Variants in ERMAP observed in about 807,000 individuals in gnomAD.
The protein encoded by ERMAP is erythroid membrane-associated protein.
In ERMAP, 34 loss-of-function variants were observed where a neutral mutation model predicts 49.5. That is an observed-to-expected ratio of 0.69 (90% confidence interval 0.52 to 0.91). The LOEUF (loss-of-function observed/expected upper bound fraction) is 0.91, where lower values mean the gene tolerates loss of function less well. Ranked by LOEUF, ERMAP falls within the 40% of genes least tolerant of loss-of-function variation. The probability of loss-of-function intolerance (pLI) is 0.00; values close to 1 mark genes in which losing one functional copy is unlikely to be tolerated. For missense variants in ERMAP, 541 were observed against 582.6 expected (o/e 0.93, Z 0.74); for synonymous variants, 214 against 232.2 (o/e 0.92, Z 0.71).
intron 1 of ERMAP, among the ~76,000 whole-genome samples, chr1:42,821,155 A>T (rs1021136991): frequency 6.6e-6 from 1 of 152,166 alleles, no homozygotes; most frequent in African/African-American, 2.4e-5. Flanking sequence ...AAAGAAATGT[A>T]TTGACATCTC....
In ERMAP at chr1:42,844,193, C is replaced by T; in HGVS notation, c.*961C>T. The T allele has an allele frequency of 2.5e-6, 1 of 398,498 alleles. No individual in the cohort carries two copies. Among genetic ancestry groups the T allele is most frequent in the African/African-American group, 2.1e-5 (1 of 48,738 alleles). The allele number at this position is 398,498 out of a possible 1,614,324, so 24.7% of individuals were successfully genotyped here. On this transcript the variant is annotated 3_prime_UTR_variant, in exon 12 of 12. Transcript: ENST00000372517. This position sits in a 1 kb window ranked among gnomAD's most constrained non-coding sequence, Gnocchi z 4.0. ...TGAGTATTTGTGTAGCAAACAGCCT[C>T]TTAGGTTGGAGAGTATTGATTTCAA...
chr1:42,817,349 G>GCCGAGCGCCAGGAGGCTT (rs1553148633), intron 1 of ERMAP, 96 bp downstream of exon 1: 1 of 836,018 alleles, frequency 1.2e-6, no homozygotes, highest in Non-Finnish European at 1.5e-6. Context: ...GGGGCGCAGG[G>GCCGAGCGCCAGGAGGCTT]CCGAGCGCCA....
At chr1:42,834,195 T>C (rs974238487) in intron 4 of ERMAP, among the ~76,000 whole-genome samples, 2 of 152,202 alleles carry the variant, frequency 1.3e-5, no homozygotes, top group Admixed American at 6.5e-5. Flanking sequence ...TCTGCTCGTT[T>C]CCTCTCCTCT....
intron 11 of ERMAP, among the ~76,000 whole-genome samples, chr1:42,841,100 C>G (rs1349312180): frequency 1.3e-5 from 2 of 152,152 alleles, no homozygotes; most frequent in African/African-American, 4.8e-5. Context: ...TTATCCTCCT[C>G]CTGTTCACAC....
At chr1:42,817,275 C>T in intron 1 of ERMAP, 22 bp downstream of exon 1, 1 of 1,232,622 alleles carries the variant, frequency 8.1e-7, no homozygotes, top group Non-Finnish European at 1.0e-6. Context: ...CTTCCCCCGA[C>T]CACTGGACCC....
At chr1:42,818,362 T>C (rs1654304846) in intron 1 of ERMAP, among the ~76,000 whole-genome samples, 1 of 152,222 alleles carries the variant, frequency 6.6e-6, no homozygotes, top group Non-Finnish European at 1.5e-5. Flanking sequence ...AGTAGAATGG[T>C]GACTGCCAGT....
At position 42,842,571 on chromosome 1, in the gene ERMAP, A is replaced by G. The variant is rs768702156; in HGVS notation, c.767A>G (p.Asp256Gly). Residue 256 changes from aspartate (D) to glycine (G), a missense_variant, in exon 12 of 12, where the codon GAC becomes GGC. Physicochemically the swap from Asp to Gly is moderately conservative, Grantham distance 94 (BLOSUM62 -1). Transcript: ENST00000372517. ...CATCCCAAACTCATCCTTTCTGAGG[A>G]CCAAAGATGTGTAAGGCTTGGAGAC... ...TAHPKLILSE[D>G]QRCVRLGDRR... 1 of 1,614,158 alleles carries G rather than the reference A, an allele frequency of 6.2e-7. No homozygotes were observed. The highest frequency in any genetic ancestry group is 1.1e-5 in the South Asian group (1 of 91,084).
chr1:42,838,984 G>T, intron 8 of ERMAP, 63 bp downstream of exon 8: 2 of 1,613,576 alleles, frequency 1.2e-6, no homozygotes, highest in Non-Finnish European at 1.7e-6. Context: ...TTTGGGATGA[G>T]CATCTCAGTT....
Position 42,819,206 on chromosome 1 carries a change from T to TGTGTGC in ERMAP, c.-122+1954_-122+1955insTGTGCG, listed in dbSNP as rs60221239. 2.3e-4 allele frequency among the ~76,000 whole-genome samples: 19 copies of TGTGTGC among 81,726 alleles called. No homozygotes were observed. Among genetic ancestry groups the TGTGTGC allele is most frequent in the Admixed American group, 2.3e-3 (17 of 7,422 alleles). 53.6% of individuals were successfully genotyped at this position (81,726 alleles called of 152,430 possible). ...GTGTGTGTGTGTGTGTGTGTGTGTG[T>TGTGTGC]GCGCGCGCGCAAGAGAGGGACCGAG... On this transcript the variant is annotated intron_variant, in intron 1 of 11. Transcript: ENST00000372517. This position sits in a 1 kb window ranked among gnomAD's most constrained non-coding sequence, Gnocchi z 5.1.
Position 42,825,636 on chromosome 1 carries a change from G to A in ERMAP, c.-108G>A, listed in dbSNP as rs556004004. The A allele has an allele frequency of 2.3e-5, 30 of 1,288,664 alleles. No individual in the cohort carries two copies. Among genetic ancestry groups the A allele is most frequent in the African/African-American group, 3.0e-5 (2 of 65,800 alleles). The allele number at this position is 1,288,664 out of a possible 1,614,324, so 79.8% of individuals were successfully genotyped here. ...CCACATCCCTAGGCCTTCCTGATGC[G>A]CTTGCCTGCTCCCTGGTCTCTCTGC... On this transcript the variant is annotated 5_prime_UTR_variant, in exon 2 of 12. Transcript: ENST00000372517.
chr1:42,843,033 T>A lies in ERMAP; in HGVS notation c.1229T>A (p.Val410Asp). 6.2e-7 allele frequency: 1 copy of A among 1,614,176 alleles called. No individual in the cohort carries two copies. Residue 410 changes from valine to aspartate, a missense_variant, in exon 12 of 12, where the codon GTC (valine) becomes GAC (aspartate). Physicochemically the swap from Val to Asp is radical, Grantham distance 152. Transcript: ENST00000372517. ...GGAGGAAAAAACACAGCACCTCTAGTCATTTGTTCAGAACTACACAAATCA... is the reference window on the plus strand; with the variant it reads ...GGAGGAAAAAACACAGCACCTCTAGACATTTGTTCAGAACTACACAAATCA... ...HDGGKNTAPL[V>D]ICSELHKSEE...
Position 42,840,300 on chromosome 1 carries a change from A to C in ERMAP, c.712+4A>C, listed in dbSNP as rs768416197. On this transcript the variant is annotated splice_donor_region_variant and intron_variant, in intron 11 of 11. Coordinates refer to ENST00000372517, the MANE Select transcript of ERMAP (RefSeq NM_001017922.2). ...AGAAGAGCCCGGTTGCATTTTGGTAAGTTATACCAATCAAATAGGTCCATA... is the reference window on the plus strand; with the variant it reads ...AGAAGAGCCCGGTTGCATTTTGGTACGTTATACCAATCAAATAGGTCCATA... The C allele has an allele frequency of 5.0e-6, 8 of 1,614,130 alleles. No individual in the cohort carries two copies. The South Asian group carries it at 8.8e-5, about 18-fold the overall frequency.
Position 42,825,738 on chromosome 1 carries a change from G to A in ERMAP, c.-6G>A, listed in dbSNP as rs1353054219. 1 of 1,289,344 alleles carries A rather than the reference G, an allele frequency of 7.8e-7. No individual in the cohort carries two copies. Among genetic ancestry groups the A allele is most frequent in the Admixed American group, 2.3e-5 (1 of 43,554 alleles). The allele number at this position is 1,289,344 out of a possible 1,614,324, so 79.9% of individuals were successfully genotyped here. A position where few individuals can be genotyped will look rare whatever the true frequency, so the allele number is the denominator to read the frequency against. ...AACAAGCGTCCCTGATCCAGAAGGT[G>A]GTGAGTCCTCCTCTCTCTCTTCATG... On this transcript the variant is annotated splice_region_variant and 5_prime_UTR_variant, in exon 2 of 12. Coordinates refer to ENST00000372517, the MANE Select transcript of ERMAP (RefSeq NM_001017922.2).
At position 42,842,660 on chromosome 1, in the gene ERMAP, G is replaced by A. The variant is rs778990042; in HGVS notation, c.856G>A (p.Glu286Lys). ...FDFVVSILGS[E>K]YFTTGCHYWE... is the part of the protein sequence containing the mutation. The stretch of plus-strand genomic sequence containing the variant: ...TTTCGTTGTCAGCATCCTAGGCTCT[G>A]AGTACTTCACGACTGGCTGCCACTA... The change falls in exon 12 of 12, where the codon GAG becomes AAG. Residue 286 changes from glutamate to lysine, a missense_variant. Transcript: ENST00000372517. 6.2e-7 allele frequency: 1 copy of A among 1,614,162 alleles called. No homozygotes were observed. The highest frequency in any genetic ancestry group is 1.1e-5 in the South Asian group (1 of 91,080).
rs1654247455 is a variant in ERMAP at position 42,817,228 on chromosome 1, G to T, written c.-147G>T. ...GCCACTGGAAGTTGGAGCCTCCGCC[G>T]AGTCGCAGACAACGCCTCCGGGAGG... is the stretch of plus-strand genomic sequence containing the variant. On this transcript the variant is annotated 5_prime_UTR_variant, in exon 1 of 12. The change creates a premature stop within an existing upstream ORF in the 5' untranslated region. Transcript: ENST00000372517. The T allele has an allele frequency of 8.0e-7, 1 of 1,255,888 alleles. No individual in the cohort carries two copies. 77.8% of individuals were successfully genotyped at this position (1,255,888 alleles called of 1,614,324 possible). A position where few individuals can be genotyped will look rare whatever the true frequency, so the allele number is the denominator to read the frequency against.
intron 4 of ERMAP, among the ~76,000 whole-genome samples, chr1:42,831,576 T>TCTC (rs35332668): frequency 0.014 from 1,123 of 83,126 alleles, 3 homozygotes; most frequent in East Asian, 0.02. Context: ...TTTTTTTCTC[T>TCTC]TTTTTTTTTT....
intron 5 of ERMAP, 107 bp from the exon 6 acceptor site, chr1:42,835,625 T>C (rs1276050462): frequency 2.1e-6 from 3 of 1,437,022 alleles, no homozygotes; most frequent in Non-Finnish European, 2.9e-6. Flanking sequence ...TTACCTGTAG[T>C]GACAAGGAGT....
chr1:42,825,501 TACAG>T (rs1654515916), intron 1 of ERMAP, 118 bp from the exon 2 acceptor site: 12 of 1,186,294 alleles, frequency 1.0e-5, no homozygotes, highest in Non-Finnish European at 1.3e-5. Flanking sequence ...ATCAGGGGCA[TACAG>T]ACAGGGTGTG....
Position 42,831,034 on chromosome 1 carries a change from C to T in ERMAP, c.352C>T (p.Leu118Phe). ...CACTCTGCAGATCCTTGACGTGCGC[C>T]TTGAGGACCAAGGGTCTTACCGATG... ...SVTLQILDVR[L>F]EDQGSYRCLI... is the part of the protein sequence containing the mutation. The change falls in exon 4 of 12, where the codon CTT becomes TTT. Residue 118 changes from leucine (L) to phenylalanine (F), a missense_variant. Physicochemically the swap from Leu to Phe is conservative, Grantham distance 22. Coordinates refer to ENST00000372517, the MANE Select transcript of ERMAP (RefSeq NM_001017922.2). The T allele has an allele frequency of 6.2e-7, 1 of 1,614,208 alleles. No individual in the cohort carries two copies. Among genetic ancestry groups the T allele is most frequent in the Non-Finnish European group, 8.5e-7 (1 of 1,180,038 alleles).
Sources: allele counts gnomAD v4.1 joint callset (sites outside exome capture counted in the v4.1 genomes callset), GRCh38; gene constraint gnomAD v4.1.1; non-coding constraint Gnocchi (gnomAD v3.1); transcripts MANE v1.5; gene names NCBI Gene and HGNC (gene_info 2026-07-23, HGNC 2026-07-21).